LYST: variants seen among roughly 807,000 people sequenced by gnomAD.
LYST encodes the protein lysosomal-trafficking regulator.
Under a neutral mutation model 413.6 loss-of-function variants are expected in LYST, and 192 were observed. The ratio of observed to expected loss-of-function variants is 0.46; its 90% CI spans 0.41 to 0.52. The LOEUF is 0.52. Among genes scored for constraint, LYST ranks in the 20% least tolerant of loss-of-function variants. The pLI is 0.00. For synonymous variants in LYST, 1,525 were observed against 1,567.3 expected, an observed-to-expected ratio of 0.97 and a Z score of 0.64; for missense variants, 3,815 against 4,499.9, an observed-to-expected ratio of 0.85 and a Z score of 4.35.
chr1:235,695,567 G>A (rs1384056787), intron 46 of LYST, among the ~76,000 whole-genome samples: 1 of 151,752 alleles, frequency 6.6e-6, no homozygotes, highest in African/African-American at 2.4e-5. Flanking sequence ...GTCCCATAAT[G>A]CAAAGTGATA....
At chr1:235,733,719 T>C (rs762449313) in intron 33 of LYST, 28 bp from the exon 34 acceptor site, 5 of 1,572,442 alleles carry the variant, frequency 3.2e-6, no homozygotes, top group Non-Finnish European at 3.5e-6. Flanking sequence ...TTGTCCATAG[T>C]TAAGCATACA....
intron 30 of LYST, among the ~76,000 whole-genome samples, chr1:235,743,026 A>G (rs1489014351): frequency 6.6e-6 from 1 of 150,700 alleles, no homozygotes; most frequent in Non-Finnish European, 1.5e-5. Flanking sequence ...ATAGGTATGT[A>G]TGTATGTGAA....
At chr1:235,704,840 T>G (rs1558134424) in intron 44 of LYST, among the ~76,000 whole-genome samples, 1 of 152,210 alleles carries the variant, frequency 6.6e-6, no homozygotes, top group African/African-American at 2.4e-5. Context: ...GGCTACTTAA[T>G]GTACTCAAAA....
chr1:235,859,512 T>TA, intron 1 of LYST, among the ~76,000 whole-genome samples: 1 of 149,808 alleles, frequency 6.7e-6, no homozygotes, highest in African/African-American at 2.6e-5. Flanking sequence ...CTTTTTTTTT[T>TA]TTTAAATGTA....
intron 1 of LYST, among the ~76,000 whole-genome samples, chr1:235,844,550 T>C (rs1285159989): frequency 6.6e-6 from 1 of 152,212 alleles, no homozygotes; most frequent in Non-Finnish European, 1.5e-5. Context: ...TAGCCTTTCT[T>C]CTTCTGTCGA....
chr1:235,789,462 CA>C (rs1558247276), intron 12 of LYST, among the ~76,000 whole-genome samples: 1 of 152,184 alleles, frequency 6.6e-6, no homozygotes, highest in Non-Finnish European at 1.5e-5. Context: ...TCCTCTTCCT[CA>C]TCTTTGAAAA....
intron 1 of LYST, among the ~76,000 whole-genome samples, chr1:235,850,689 AC>A (rs1405089366): frequency 2.0e-5 from 3 of 152,192 alleles, no homozygotes; most frequent in African/African-American, 7.2e-5. Flanking sequence ...TAGGAAAAAA[AC>A]AATCCCATCA....
intron 50 of LYST, among the ~76,000 whole-genome samples, chr1:235,670,183 C>T (rs894801534): frequency 8.5e-5 from 13 of 152,144 alleles, no homozygotes; most frequent in East Asian, 3.9e-4. Context: ...CTCTTGCAAA[C>T]GGCATATTTA....
chr1:235,736,958 A>G (rs1255933666), intron 31 of LYST: 1 of 152,194 alleles, frequency 6.6e-6, no homozygotes, highest in Non-Finnish European at 1.5e-5. Flanking sequence ...TTTTAGAACC[A>G]TGTAGACATT....
chr1:235,877,449 C>T (rs1435204487), intron 1 of LYST, among the ~76,000 whole-genome samples: 1 of 152,146 alleles, frequency 6.6e-6, no homozygotes. Flanking sequence ...CTCTTGTCGC[C>T]CAGGCTGGAG....
At chr1:235,731,244 A>T in intron 34 of LYST, 67 bp from the exon 35 acceptor site, 1 of 1,376,368 alleles carries the variant, frequency 7.3e-7, no homozygotes, top group Non-Finnish European at 1.0e-6. Flanking sequence ...AAAAAAAATC[A>T]TTATAGAGAT....
At chr1:235,859,516 A>T (rs867887020) in intron 1 of LYST, among the ~76,000 whole-genome samples, 22 of 113,466 alleles carry the variant, frequency 1.9e-4, no homozygotes, top group Non-Finnish European at 2.9e-4. Flanking sequence ...TTTTTTTTTT[A>T]AATGTATCTA....
intron 29 of LYST, among the ~76,000 whole-genome samples, chr1:235,745,809 A>G (rs1455203949): frequency 1.3e-5 from 2 of 152,180 alleles, no homozygotes; most frequent in East Asian, 1.9e-4. Flanking sequence ...GTACGCTTCC[A>G]TTTATATAAC....
intron 52 of LYST, 129 bp downstream of exon 52, chr1:235,663,855 G>A: frequency 1.3e-6 from 1 of 797,314 alleles, no homozygotes; most frequent in South Asian, 1.4e-5. Context: ...CCCGCTGTGT[G>A]TTAAGTGGTT....
intron 1 of LYST, among the ~76,000 whole-genome samples, chr1:235,847,321 A>G (rs181663359): frequency 1.3e-5 from 2 of 152,304 alleles, no homozygotes; most frequent in Admixed American, 1.3e-4. Flanking sequence ...TCAGACAAAC[A>G]CATGCTGAGA....
At chr1:235,703,718 TCTC>T (rs1185846647) in intron 44 of LYST, among the ~76,000 whole-genome samples, 1 of 152,268 alleles carries the variant, frequency 6.6e-6, no homozygotes, top group African/African-American at 2.4e-5. Context: ...TCAACTCCAT[TCTC>T]CTCACCACAA....
chr1:235,867,333 A>AT (rs1188110213), upstream of LYST, among the ~76,000 whole-genome samples: 1 of 152,160 alleles, frequency 6.6e-6, no homozygotes, highest in Admixed American at 6.5e-5. Context: ...AACCTGTCCC[A>AT]TTGTGTAGGT....
At chr1:235,711,018 C>A (rs373489106) in intron 43 of LYST, among the ~76,000 whole-genome samples, 1 of 152,204 alleles carries the variant, frequency 6.6e-6, no homozygotes, top group Non-Finnish European at 1.5e-5. Flanking sequence ...GCATGAGACA[C>A]CCTGAGCTAA....
chr1:235,880,267 A>G (rs181145009), intron 1 of LYST, among the ~76,000 whole-genome samples: 4 of 152,364 alleles, frequency 2.6e-5, no homozygotes, highest in Admixed American at 2.6e-4. Flanking sequence ...GTTTAGCAAT[A>G]TATGTGAAAA....
Sources: allele counts gnomAD v4.1 joint callset (sites outside exome capture counted in the v4.1 genomes callset), GRCh38; gene constraint gnomAD v4.1.1; transcripts MANE v1.5; gene names NCBI Gene and HGNC (gene_info 2026-07-23, HGNC 2026-07-21).